The following ATP2B2 variants were observed in gnomAD, a reference collection of about 807,000 sequenced individuals.
ATP2B2 encodes plasma membrane calcium-transporting ATPase 2.
In ATP2B2, 15 loss-of-function variants were observed where a neutral mutation model predicts 120.0. The ratio of observed to expected loss-of-function variants is 0.12; its 90% CI spans 0.08 to 0.19. The LOEUF (loss-of-function observed/expected upper bound fraction) is 0.19. Ranked by LOEUF, ATP2B2 falls within the 10% of genes least tolerant of loss-of-function variation. The pLI is 1.00. For missense variants in ATP2B2, 1,045 were observed against 1,719.8 expected (o/e 0.61, Z 6.94); for synonymous variants, 694 against 700.3 (o/e 0.99, Z 0.14).
At position 10,342,605 on chromosome 3, in the gene ATP2B2, G is replaced by T; in HGVS notation, c.2917+147C>A. 1 of 932,584 alleles carries T rather than the reference G, an allele frequency of 1.1e-6. No individual in the cohort carries two copies. Among genetic ancestry groups the T allele is most frequent in the Non-Finnish European group, 1.7e-6 (1 of 599,938 alleles). 57.8% of individuals were successfully genotyped at this position (932,584 alleles called of 1,614,324 possible). On this transcript the variant is annotated intron_variant, in intron 19 of 22. Coordinates refer to ENST00000360273, the MANE Select transcript of ATP2B2 (RefSeq NM_001001331.4). This position sits in a 1 kb window ranked among gnomAD's most constrained non-coding sequence, Gnocchi z 4.4. Reference sequence around the variant, plus strand: ...TTCAAGACTTGCTGGTGTGACCTTGGGCAACTTACTTGACCTCCCTGGGCC... The same window carrying T: ...TTCAAGACTTGCTGGTGTGACCTTGTGCAACTTACTTGACCTCCCTGGGCC...
intron 2 of ATP2B2, among the ~76,000 whole-genome samples, chr3:10,566,093 T>C (rs1441460454): frequency 1.3e-5 from 2 of 152,082 alleles, no homozygotes; most frequent in Non-Finnish European, 2.9e-5. Flanking sequence ...CTTCCACTGA[T>C]TTCTCCACCC....
At chr3:10,466,921 C>T (rs560426330) in intron 1 of ATP2B2, among the ~76,000 whole-genome samples, 1 of 152,224 alleles carries the variant, frequency 6.6e-6, no homozygotes, top group Non-Finnish European at 1.5e-5. Flanking sequence ...GCAGAGCATG[C>T]GGCCCCACAG....
intron 2 of ATP2B2, among the ~76,000 whole-genome samples, chr3:10,536,363 A>G (rs896247804): frequency 1.4e-5 from 2 of 141,444 alleles, no homozygotes; most frequent in African/African-American, 5.2e-5. Context: ...TATCCTTGTC[A>G]CAGGATTTTT....
chr3:10,395,113 GA>G (rs774452969), intron 5 of ATP2B2, among the ~76,000 whole-genome samples: 1 of 152,226 alleles, frequency 6.6e-6, no homozygotes, highest in Non-Finnish European at 1.5e-5. Flanking sequence ...TGAATCCCCT[GA>G]AATGTTGCAA....
intron 11 of ATP2B2, among the ~76,000 whole-genome samples, chr3:10,374,033 C>T (rs1453878663): frequency 6.6e-6 from 1 of 152,152 alleles, no homozygotes; most frequent in African/African-American, 2.4e-5. Flanking sequence ...GGGTGCTCTC[C>T]TAAGTTTATC....
intron 2 of ATP2B2, 131 bp from the exon 3 acceptor site, chr3:10,410,946 C>T: frequency 8.9e-7 from 1 of 1,121,190 alleles, no homozygotes; most frequent in South Asian, 1.3e-5. Context: ...CCCAACATCT[C>T]TTCATGCTTT....
At chr3:10,658,888 C>T (rs1220961351) in intron 1 of ATP2B2, among the ~76,000 whole-genome samples, 6 of 151,866 alleles carry the variant, frequency 4.0e-5, no homozygotes, top group Admixed American at 6.6e-5. Flanking sequence ...AGACTAACAG[C>T]GGATCTCTCG....
chr3:10,351,605 A>G (rs1251403860), intron 14 of ATP2B2, among the ~76,000 whole-genome samples: 2 of 152,136 alleles, frequency 1.3e-5, no homozygotes, highest in Non-Finnish European at 2.9e-5. Flanking sequence ...ATTGAGTTGT[A>G]TTCCCCCCAA....
At chr3:10,622,585 C>A (rs1450143883) in intron 1 of ATP2B2, among the ~76,000 whole-genome samples, 2 of 152,104 alleles carry the variant, frequency 1.3e-5, no homozygotes, top group African/African-American at 2.4e-5. Context: ...CCAAGCAGAG[C>A]AGGCAGTGGA....
chr3:10,621,567 T>C (rs1024615351), intron 1 of ATP2B2, among the ~76,000 whole-genome samples: 1 of 152,228 alleles, frequency 6.6e-6, no homozygotes, highest in Non-Finnish European at 1.5e-5. Context: ...CAGTGTTTTG[T>C]TTGCTTACCA....
rs1049470939 is a variant in ATP2B2, at chr3:10,570,903, T to C, written c.-414-36770A>G. 3.9e-5 allele frequency among the ~76,000 whole-genome samples: 6 copies of C among 152,234 alleles called. No individual in the cohort carries two copies. In the South Asian group the frequency reaches 8.3e-4, roughly 21 times the overall value. ...GCCCACTTTGCCCATCTGAGGCCCCTACTCTCCAATCCTTAATGAAGATAA... is the reference window on the plus strand; with the variant it reads ...GCCCACTTTGCCCATCTGAGGCCCCCACTCTCCAATCCTTAATGAAGATAA... On this transcript the variant is annotated intron_variant, in intron 2 of 21. Transcript: ENST00000646379.
chr3:10,643,267 A>T (rs1172513821), intron 1 of ATP2B2, among the ~76,000 whole-genome samples: 1 of 152,214 alleles, frequency 6.6e-6, no homozygotes, highest in Non-Finnish European at 1.5e-5. Context: ...GCATCTGTGG[A>T]TCCATGGGAG....
chr3:10,375,208 G>C lies in ATP2B2; in HGVS notation c.1416+222C>G, dbSNP rs2061348647. 6.6e-6 allele frequency among the ~76,000 whole-genome samples: 1 copy of C among 152,216 alleles called. No individual in the cohort carries two copies. Among genetic ancestry groups the C allele is most frequent in the African/African-American group, 2.4e-5 (1 of 41,458 alleles). On this transcript the variant is annotated intron_variant, in intron 11 of 22. Transcript: ENST00000360273. This position sits in a 1 kb window ranked among gnomAD's most constrained non-coding sequence, Gnocchi z 4.2. Reference sequence around the variant, plus strand: ...CGTGTGGCTGGGCTGAATAACAGCTGCCTCTTCAGCCAGGGTATGGCTCTC... The same window carrying C: ...CGTGTGGCTGGGCTGAATAACAGCTCCCTCTTCAGCCAGGGTATGGCTCTC...
chr3:10,478,552 G>A (rs547562465), intron 1 of ATP2B2, among the ~76,000 whole-genome samples: 8 of 152,216 alleles, frequency 5.3e-5, no homozygotes, highest in South Asian at 2.1e-4. Flanking sequence ...CAACCTCTAA[G>A]CTTTCCCATC....
intron 2 of ATP2B2, among the ~76,000 whole-genome samples, chr3:10,568,421 A>C (rs2068055552): frequency 6.6e-6 from 1 of 152,086 alleles, no homozygotes; most frequent in Admixed American, 6.5e-5. Flanking sequence ...GAAAACCCAC[A>C]CACTTGATGT....
chr3:10,592,979 T>A (rs982094725), intron 2 of ATP2B2, among the ~76,000 whole-genome samples: 22 of 151,898 alleles, frequency 1.4e-4, no homozygotes, highest in African/African-American at 4.1e-4. Flanking sequence ...AGAGATGAGG[T>A]TTTTCCATGT....
intron 1 of ATP2B2, among the ~76,000 whole-genome samples, chr3:10,501,521 C>A (rs1227236861): frequency 6.6e-6 from 1 of 152,114 alleles, no homozygotes; most frequent in Non-Finnish European, 1.5e-5. Context: ...CAGGAGTATG[C>A]CACCACACCC....
Position 10,673,806 on chromosome 3 carries a change from CA to C in ATP2B2, c.-460+34108del, listed in dbSNP as rs549651187. On this transcript the variant is annotated intron_variant, in intron 1 of 21. Coordinates refer to the ATP2B2 transcript ENST00000646379. ...TGGGTGACAGGGTGAGACCCTGTTTCAAAAAAAAAAAAAAAAAAAAAAGAAG... is the reference window on the plus strand; with the variant it reads ...TGGGTGACAGGGTGAGACCCTGTTTCAAAAAAAAAAAAAAAAAAAAAGAAG... 1.9e-3 allele frequency among the ~76,000 whole-genome samples: 140 copies of C among 73,764 alleles called. 1 individual carries two copies. Among genetic ancestry groups the C allele is most frequent in the African/African-American group, 4.3e-3 (77 of 17,804 alleles). The allele number at this position is 73,764 out of a possible 152,430, so 48.4% of individuals were successfully genotyped here.
chr3:10,643,032 G>A (rs1276648329), intron 1 of ATP2B2, among the ~76,000 whole-genome samples: 3 of 152,044 alleles, frequency 2.0e-5, no homozygotes, highest in South Asian at 2.1e-4. Context: ...TTGTTATGCC[G>A]GAAAGTCAAG....
Sources: allele counts gnomAD v4.1 joint callset (sites outside exome capture counted in the v4.1 genomes callset), GRCh38; gene constraint gnomAD v4.1.1; non-coding constraint Gnocchi (gnomAD v3.1); transcripts MANE v1.5; gene names NCBI Gene and HGNC (gene_info 2026-07-23, HGNC 2026-07-21).